Variants in UGT1A7 observed in about 807,000 individuals in gnomAD.
UGT1A7 encodes UDP-glucuronosyltransferase 1A7.
A neutral mutation model predicts 45.6 loss-of-function variants in UGT1A7; 33 were observed. The ratio of observed to expected loss-of-function variants is 0.72; its 90% CI spans 0.55 to 0.97. The LOEUF (loss-of-function observed/expected upper bound fraction) is 0.97, where lower values mean the gene tolerates loss of function less well. Among genes scored for constraint, UGT1A7 ranks in the 50% least tolerant of loss-of-function variants. The pLI, the probability that UGT1A7 is intolerant of heterozygous loss-of-function variation, is 0.00. For missense variants in UGT1A7, 684 were observed against 666.2 expected (o/e 1.03, Z -0.29); for synonymous variants, 274 against 250.6 (o/e 1.09, Z -0.88).
At chr2:233,684,348 A>C (rs1180334738) in intron 1 of UGT1A7, among the ~76,000 whole-genome samples, 1 of 152,214 alleles carries the variant, frequency 6.6e-6, no homozygotes, top group South Asian at 2.1e-4. Context: ...TAGACTTGTC[A>C]AAGTGTCTCT....
At chr2:233,743,553 T>TA in intron 1 of UGT1A7, 1 of 1,367,178 alleles carries the variant, frequency 7.3e-7, no homozygotes, top group Non-Finnish European at 9.8e-7. Context: ...CCCCCCAAAA[T>TA]ATTCTCCAGC....
intron 1 of UGT1A7, among the ~76,000 whole-genome samples, chr2:233,727,645 C>T (rs1332345020): frequency 3.9e-5 from 6 of 152,104 alleles, no homozygotes; most frequent in South Asian, 2.1e-4. Context: ...GCTGAGAATC[C>T]CTTTCTAGTG....
chr2:233,763,254 T>C (rs1698269941), intron 1 of UGT1A7, among the ~76,000 whole-genome samples: 1 of 152,240 alleles, frequency 6.6e-6, no homozygotes, highest in Non-Finnish European at 1.5e-5. Context: ...TAGTAACCTG[T>C]TTTGTCTTGT....
chr2:233,726,185 T>C (rs2077513858), intron 1 of UGT1A7, among the ~76,000 whole-genome samples: 1 of 152,162 alleles, frequency 6.6e-6, no homozygotes, highest in South Asian at 2.1e-4. Flanking sequence ...AAAATTTCTT[T>C]GGCATATGGA....
chr2:233,709,725 T>C (rs941884651), intron 1 of UGT1A7, among the ~76,000 whole-genome samples: 1 of 152,208 alleles, frequency 6.6e-6, no homozygotes, highest in Non-Finnish European at 1.5e-5. Context: ...TGATATGTTT[T>C]CAATTGATAC....
chr2:233,705,009 G>A (rs533483147), intron 1 of UGT1A7, among the ~76,000 whole-genome samples: 48 of 152,132 alleles, frequency 3.2e-4, no homozygotes, highest in African/African-American at 1.1e-3. Context: ...GGTGGCAGGC[G>A]CCTGTAATCC....
chr2:233,710,161 T>C (rs2076115073), intron 1 of UGT1A7, among the ~76,000 whole-genome samples: 1 of 152,264 alleles, frequency 6.6e-6, no homozygotes, highest in Non-Finnish European at 1.5e-5. Flanking sequence ...CATTTGCTTA[T>C]GCATTTATTT....
At chr2:233,709,425 C>T (rs1055346708) in intron 1 of UGT1A7, among the ~76,000 whole-genome samples, 1 of 152,240 alleles carries the variant, frequency 6.6e-6, no homozygotes, top group African/African-American at 2.4e-5. Context: ...AGAATGTCCT[C>T]CAGAAAGGAT....
intron 1 of UGT1A7, chr2:233,729,470 CAATGTTGAACA>C: frequency 6.2e-7 from 1 of 1,614,122 alleles, no homozygotes; most frequent in African/African-American, 1.3e-5. Context: ...AGAAGTATGG[CAATGTTGAACA>C]ATATGTCTTT....
At chr2:233,743,747 GACA>G (rs1559387814) in intron 1 of UGT1A7, 2 of 1,367,344 alleles carry the variant, frequency 1.5e-6, no homozygotes, top group South Asian at 1.1e-5. Context: ...CTTGGCGTCC[GACA>G]ACACCTCGTA....
In UGT1A7 at chr2:233,682,687, T is replaced by G; in HGVS notation, c.750T>G (p.Ile250Met). ...TAYDLYSHTS[I>M]WLLRTDFVLE... ...ATGATCTCTACAGCCACACATCAAT[T>G]TGGTTGTTGCGAACTGACTTTGTTT... Residue 250 changes from isoleucine to methionine, a missense_variant, in exon 1 of 5, where the codon ATT becomes ATG. Physicochemically the swap from Ile to Met is conservative, Grantham distance 10. Coordinates refer to ENST00000373426, the MANE Select transcript of UGT1A7 (RefSeq NM_019077.3). 1.2e-6 allele frequency: 2 copies of G among 1,613,824 alleles called. No homozygotes were observed. The highest frequency in any genetic ancestry group is 1.7e-6 in the Non-Finnish European group (2 of 1,179,768).
chr2:233,743,705 G>C (rs756391897), intron 1 of UGT1A7: 3 of 1,367,306 alleles, frequency 2.2e-6, no homozygotes, highest in South Asian at 1.1e-5. Flanking sequence ...CTCCGCCCCC[G>C]CCTCGCCATA....
At chr2:233,708,402 C>T (rs1242304001) in intron 1 of UGT1A7, 4 of 152,064 alleles carry the variant, frequency 2.6e-5, no homozygotes, top group African/African-American at 9.7e-5. Flanking sequence ...TTACTTTCAT[C>T]AAGTTGTTTC....
intron 1 of UGT1A7, among the ~76,000 whole-genome samples, chr2:233,738,054 T>A (rs1271944980): frequency 6.6e-6 from 1 of 152,146 alleles, no homozygotes; most frequent in African/African-American, 2.4e-5. Flanking sequence ...GGACAGGACA[T>A]GGTGGGAGGT....
At chr2:233,720,878 T>TTG (rs1425776914) in intron 1 of UGT1A7, among the ~76,000 whole-genome samples, 1 of 150,714 alleles carries the variant, frequency 6.6e-6, no homozygotes, top group African/African-American at 2.4e-5. Context: ...GCAATTTTTT[T>TTG]TTTTTTTTTT....
At position 233,749,745 on chromosome 2, in the gene UGT1A7, G is replaced by T. The variant is rs1364813109; in HGVS notation, c.856-17289G>T. On this transcript the variant is annotated intron_variant, in intron 1 of 4. Coordinates refer to ENST00000373426, the MANE Select transcript of UGT1A7 (RefSeq NM_019077.3). ...TTTCGCACCTGCTGGTCTCATCATA[G>T]TGAGTGAGTTCTTATGAGATCTGAT... Among the ~76,000 whole-genome samples the T allele has an allele frequency of 4.6e-5, 7 of 151,902 alleles. 2 individuals carry two copies. The highest frequency in any genetic ancestry group is 1.0e-4 in the Non-Finnish European group (7 of 68,034).
intron 1 of UGT1A7, among the ~76,000 whole-genome samples, chr2:233,711,645 C>G (rs757300955): frequency 1.3e-4 from 20 of 152,188 alleles, no homozygotes; most frequent in Non-Finnish European, 2.5e-4. Context: ...CCCATGGGTT[C>G]TGTCCAAAGG....
At chr2:233,685,873 A>G (rs548978160) in intron 1 of UGT1A7, among the ~76,000 whole-genome samples, 1 of 152,360 alleles carries the variant, frequency 6.6e-6, no homozygotes, top group African/African-American at 2.4e-5. Flanking sequence ...ACCTAAGACA[A>G]TCAATAATTC....
intron 1 of UGT1A7, chr2:233,760,289 T>A: frequency 2.5e-6 from 4 of 1,613,270 alleles, no homozygotes; most frequent in Non-Finnish European, 3.4e-6. Flanking sequence ...AAAGGCGCCA[T>A]GGCTGTGGAG....
Sources: allele counts gnomAD v4.1 joint callset (sites outside exome capture counted in the v4.1 genomes callset), GRCh38; gene constraint gnomAD v4.1.1; transcripts MANE v1.5; gene names NCBI Gene and HGNC (gene_info 2026-07-23, HGNC 2026-07-21).